Variants in FEZ1 observed in about 807,000 individuals in gnomAD.
FEZ1 encodes the protein fasciculation and elongation protein zeta-1.
FEZ1 carries 20 observed loss-of-function variants against 49.3 expected under a neutral mutation model. That is an observed-to-expected ratio of 0.41 (90% CI 0.29 to 0.59). The LOEUF (loss-of-function observed/expected upper bound fraction) is 0.59. Among genes scored for constraint, FEZ1 ranks in the 20% least tolerant of loss-of-function variants. FEZ1 has a pLI of 0.36. For missense variants in FEZ1, 413 were observed against 476.0 expected (o/e 0.87, Z 1.23); for synonymous variants, 170 against 180.9 (o/e 0.94, Z 0.48).
intron 5 of FEZ1, among the ~76,000 whole-genome samples, chr11:125,457,420 AAAAAAAAAAAT>A (rs58438265): frequency 0.063 from 3,246 of 51,356 alleles, 63 homozygotes; most frequent in Non-Finnish European, 0.089. Flanking sequence ...AAAAAAAAAA[AAAAAAAAAAAT>A]ATATATATAT....
At chr11:125,450,830 T>A (rs1956947887) in intron 8 of FEZ1, among the ~76,000 whole-genome samples, 1 of 152,188 alleles carries the variant, frequency 6.6e-6, no homozygotes, top group Non-Finnish European at 1.5e-5. Context: ...AAATATTAAG[T>A]CTGAAAAGCA....
chr11:125,480,782 G>C (rs1004331615), intron 3 of FEZ1, among the ~76,000 whole-genome samples: 3 of 152,228 alleles, frequency 2.0e-5, no homozygotes, highest in Non-Finnish European at 1.5e-5. Flanking sequence ...GCTCACGCCT[G>C]TAATCCCAGC....
At chr11:125,474,191 A>ATTTTTTTTTTTTTT (rs34135138) in intron 3 of FEZ1, among the ~76,000 whole-genome samples, 2 of 128,450 alleles carry the variant, frequency 1.6e-5, no homozygotes, top group African/African-American at 3.0e-5. Context: ...TGCCAGGCTA[A>ATTTTTTTTTTTTTT]TTTTTTTTTT....
At chr11:125,464,533 C>T (rs1306721049) in intron 3 of FEZ1, among the ~76,000 whole-genome samples, 3 of 152,144 alleles carry the variant, frequency 2.0e-5, no homozygotes, top group Non-Finnish European at 4.4e-5. Flanking sequence ...ACCGATTGGC[C>T]CCTTCCCTGG....
At chr11:125,493,935 T>G (rs953816756) in intron 1 of FEZ1, among the ~76,000 whole-genome samples, 1 of 152,128 alleles carries the variant, frequency 6.6e-6, no homozygotes, top group African/African-American at 2.4e-5. Flanking sequence ...GAGTTTTGAG[T>G]GTTGGCAACA....
intron 5 of FEZ1, among the ~76,000 whole-genome samples, chr11:125,458,982 C>T (rs1264463901): frequency 1.3e-5 from 2 of 152,094 alleles, no homozygotes; most frequent in Admixed American, 1.3e-4. Context: ...AGGAGAACTG[C>T]TTGAACCTGG....
chr11:125,446,145 G>T, intron 9 of FEZ1, 34 bp from the exon 10 acceptor site: 1 of 1,612,914 alleles, frequency 6.2e-7, no homozygotes, highest in South Asian at 1.1e-5. Context: ...AGAGCGGTCA[G>T]AACACAGTTG....
intron 4 of FEZ1, 33 bp from the exon 5 acceptor site, chr11:125,460,699 G>A (rs1377845960): frequency 1.3e-6 from 2 of 1,593,732 alleles, no homozygotes; most frequent in Non-Finnish European, 8.6e-7. Flanking sequence ...TGCTAACTCT[G>A]TTCTCTGCTA....
At chr11:125,476,133 C>T (rs1381498528) in intron 3 of FEZ1, among the ~76,000 whole-genome samples, 2 of 152,150 alleles carry the variant, frequency 1.3e-5, no homozygotes, top group Admixed American at 6.6e-5. Flanking sequence ...TAAGTGGTTG[C>T]CCAGAGATTG....
intron 3 of FEZ1, among the ~76,000 whole-genome samples, chr11:125,475,090 T>C (rs2845848): frequency 0.93 from 141,696 of 152,058 alleles, 66,099 homozygotes; most frequent in East Asian, 1. Context: ...GGCAACATGG[T>C]GAAATCTCAT....
In FEZ1 at chr11:125,493,547, A is replaced by AAAGAAAGAAAGAAAGAAAGG. The variant is rs1555043780; in HGVS notation, c.-46+2573_-46+2574insCCTTTCTTTCTTTCTTTCTT. Among the ~76,000 whole-genome samples, 17 of 134,688 alleles carry AAAGAAAGAAAGAAAGAAAGG rather than the reference A, an allele frequency of 1.3e-4. 1 individual carries two copies. The highest frequency in any genetic ancestry group is 2.4e-4 in the Non-Finnish European group (14 of 59,154). The allele number at this position is 134,688 out of a possible 152,430, so 88.4% of individuals were successfully genotyped here. A position where few individuals can be genotyped will look rare whatever the true frequency, so the allele number is the denominator to read the frequency against. On this transcript the variant is annotated intron_variant, in intron 1 of 9. Transcript: ENST00000278919. Reference sequence around the variant, plus strand: ...GAAAGAAAGAAAGAAAGAAAGAAAGAAAGAAAGGTGATGTGGGAGTGCTTC... The same window carrying AAAGAAAGAAAGAAAGAAAGG: ...GAAAGAAAGAAAGAAAGAAAGAAAGAAAGAAAGAAAGAAAGAAAGGAAGAAAGGTGATGTGGGAGTGCTTC...
chr11:125,491,044 G>A (rs891189584), intron 1 of FEZ1, among the ~76,000 whole-genome samples: 7 of 152,058 alleles, frequency 4.6e-5, no homozygotes, highest in Non-Finnish European at 7.4e-5. Context: ...ATGAGCCACC[G>A]TGCCCAGACA....
At chr11:125,473,818 CAA>C (rs141159400) in intron 3 of FEZ1, among the ~76,000 whole-genome samples, 43,335 of 101,710 alleles carry the variant, frequency 0.43, 6,590 homozygotes, top group South Asian at 0.53. Flanking sequence ...GACTCCATTT[CAA>C]AAAAAAAAAA....
intron 5 of FEZ1, among the ~76,000 whole-genome samples, chr11:125,457,429 A>AAATAT (rs1164500309): frequency 2.5e-3 from 53 of 20,908 alleles, no homozygotes; most frequent in Non-Finnish European, 3.5e-3. Context: ...AAAAAAAAAA[A>AAATAT]ATATATATAT....
intron 3 of FEZ1, among the ~76,000 whole-genome samples, chr11:125,475,889 GA>G (rs747132608): frequency 6.6e-6 from 1 of 151,686 alleles, no homozygotes; most frequent in Non-Finnish European, 1.5e-5. Flanking sequence ...GCAAAAAGTA[GA>G]AAAAAAACTG....
chr11:125,489,820 T>C lies in FEZ1; in HGVS notation c.-43A>G, dbSNP rs770543002. On this transcript the variant is annotated splice_region_variant and 5_prime_UTR_variant, in exon 2 of 10. In the 5' UTR this introduces an upstream ATG that the reference lacks. Transcript: ENST00000278919. This position sits in a 1 kb window ranked among gnomAD's most constrained non-coding sequence, Gnocchi z 4.2. Reference sequence around the variant, plus strand: ...ACAACAGCGACTTTCAGGATGAGTTTATCTAAAAGAAATGAACAGCGTAAT... The same window carrying C: ...ACAACAGCGACTTTCAGGATGAGTTCATCTAAAAGAAATGAACAGCGTAAT... 31 of 1,513,958 alleles carry C rather than the reference T, an allele frequency of 2.0e-5. No individual in the cohort carries two copies. The highest frequency in any genetic ancestry group is 2.6e-5 in the Non-Finnish European group (29 of 1,133,044). 93.8% of individuals were successfully genotyped at this position (1,513,958 alleles called of 1,614,324 possible).
chr11:125,458,905 A>C (rs913829787), intron 5 of FEZ1, among the ~76,000 whole-genome samples: 1 of 152,030 alleles, frequency 6.6e-6, no homozygotes, highest in African/African-American at 2.4e-5. Context: ...ATCTCTACTA[A>C]GAATATAAAA....
chr11:125,452,175 TAC>T (rs1956963881), intron 8 of FEZ1, among the ~76,000 whole-genome samples, 157 bp downstream of exon 8: 1 of 152,230 alleles, frequency 6.6e-6, no homozygotes, highest in Non-Finnish European at 1.5e-5. Context: ...ATTTTAATTT[TAC>T]ACTGTGCGGG....
At chr11:125,454,244 C>T (rs1477411786) in intron 6 of FEZ1, 34 bp from the exon 7 acceptor site, 1 of 1,544,130 alleles carries the variant, frequency 6.5e-7, no homozygotes, top group Non-Finnish European at 8.9e-7. Flanking sequence ...AGGGCAAATG[C>T]TTCTTGCTAC....
Sources: allele counts gnomAD v4.1 joint callset (sites outside exome capture counted in the v4.1 genomes callset), GRCh38; gene constraint gnomAD v4.1.1; non-coding constraint Gnocchi (gnomAD v3.1); transcripts MANE v1.5; gene names NCBI Gene and HGNC (gene_info 2026-07-23, HGNC 2026-07-21).